The following SLC37A3 variants were observed in gnomAD, a reference collection of about 807,000 sequenced individuals.
The protein encoded by SLC37A3 is solute carrier family 37 member 3.
In SLC37A3, 51 loss-of-function variants were observed where a neutral mutation model predicts 67.1. The observed-to-expected ratio is 0.76, with a 90% CI of 0.61 to 0.96. SLC37A3 has a LOEUF of 0.96. SLC37A3 is among the 40% of genes least tolerant of loss of function. SLC37A3 has a pLI of 0.00. For synonymous variants in SLC37A3, 214 were observed against 231.4 expected, an observed-to-expected ratio of 0.92 and a Z score of 0.68; for missense variants, 508 against 603.0, an observed-to-expected ratio of 0.84 and a Z score of 1.65.
intron 2 of SLC37A3, 60 bp downstream of exon 2, chr7:140,382,378 A>G (rs2129820227): frequency 1.4e-6 from 2 of 1,418,546 alleles, no homozygotes; most frequent in South Asian, 1.2e-5. Context: ...TTGCCATGCA[A>G]TATCTCCCTC....
At chr7:140,357,169 A>G (rs1797063976) in intron 6 of SLC37A3, among the ~76,000 whole-genome samples, 1 of 152,030 alleles carries the variant, frequency 6.6e-6, no homozygotes, top group Non-Finnish European at 1.5e-5. Flanking sequence ...AGCCGAGATC[A>G]CGCCATTGCA....
intron 1 of SLC37A3, among the ~76,000 whole-genome samples, chr7:140,387,615 AATAAATATATATATTATATAAAT>A (rs1456664455): frequency 1.3e-4 from 17 of 128,156 alleles, no homozygotes; most frequent in Admixed American, 2.2e-4. Context: ...ACTCCATCTA[AATAAATATATATATTATATAAAT>A]ATAAATATAT....
chr7:140,384,087 G>A (rs1386990893), intron 1 of SLC37A3, among the ~76,000 whole-genome samples: 1 of 152,172 alleles, frequency 6.6e-6, no homozygotes, highest in Non-Finnish European at 1.5e-5. Flanking sequence ...CCAGTTATGA[G>A]TCTGCAGAAC....
chr7:140,374,008 A>C (rs1797924598), intron 3 of SLC37A3, among the ~76,000 whole-genome samples: 1 of 152,208 alleles, frequency 6.6e-6, no homozygotes, highest in African/African-American at 2.4e-5. Context: ...AAGCAATCCC[A>C]AAAACTCCAA....
At chr7:140,351,180 G>T in intron 9 of SLC37A3, 93 bp downstream of exon 9, 1 of 1,250,346 alleles carries the variant, frequency 8.0e-7, no homozygotes, top group Non-Finnish European at 1.1e-6. Context: ...ATCCAACAGA[G>T]GCTCAATACT....
chr7:140,397,576 TCAAA>T (rs1040882997), intron 1 of SLC37A3, among the ~76,000 whole-genome samples: 2 of 152,178 alleles, frequency 1.3e-5, no homozygotes, highest in African/African-American at 4.8e-5. Flanking sequence ...CCAAGAAACA[TCAAA>T]CAAACTGAAA....
intron 8 of SLC37A3, 67 bp downstream of exon 8, chr7:140,351,995 T>C (rs750313859): frequency 1.4e-6 from 2 of 1,451,912 alleles, no homozygotes; most frequent in African/African-American, 2.7e-5. Context: ...TTCGATTTCT[T>C]GGCCTCAGAT....
chr7:140,358,512 A>C, intron 6 of SLC37A3, 128 bp downstream of exon 6: 1 of 1,312,100 alleles, frequency 7.6e-7, no homozygotes, highest in Non-Finnish European at 1.1e-6. Flanking sequence ...TCCCTGAACA[A>C]CTCTGACTTG....
In SLC37A3 at chr7:140,393,968, C is replaced by T. The variant is rs183526338; in HGVS notation, c.-71+4448G>A. Among the ~76,000 whole-genome samples the T allele has an allele frequency of 2.1e-4, 32 of 151,872 alleles. No homozygotes were observed. The East Asian group carries it at 5.9e-3, about 28-fold the overall frequency. ...GACAGACGGCTTGAGCCCACGAGTT[C>T]GGGACCAGCCTGAGCAATATGGTGA... On this transcript the variant is annotated intron_variant, in intron 1 of 14. Transcript: ENST00000326232.
chr7:140,392,490 C>T (rs1798760681), intron 1 of SLC37A3, among the ~76,000 whole-genome samples: 1 of 152,162 alleles, frequency 6.6e-6, no homozygotes, highest in African/African-American at 2.4e-5. Flanking sequence ...TCTCTCCATC[C>T]TCACTGCCAC....
intron 3 of SLC37A3, among the ~76,000 whole-genome samples, chr7:140,375,184 A>C (rs1194398085): frequency 4.8e-5 from 7 of 145,424 alleles, no homozygotes; most frequent in Non-Finnish European, 6.0e-5. Flanking sequence ...CAAAAAAAAA[A>C]CAGGCTGGGT....
intron 1 of SLC37A3, among the ~76,000 whole-genome samples, chr7:140,393,338 G>A (rs1054477414): frequency 1.3e-5 from 2 of 152,132 alleles, no homozygotes; most frequent in Admixed American, 6.6e-5. Context: ...GAACACGTGC[G>A]CCGTCCTCAC....
At chr7:140,362,731 G>T (rs1424664555) in intron 5 of SLC37A3, among the ~76,000 whole-genome samples, 2 of 90,346 alleles carry the variant, frequency 2.2e-5, no homozygotes, top group African/African-American at 8.2e-5. Context: ...GGAGGTGGGG[G>T]GTCAGCCCCC....
chr7:140,337,363 A>G lies in SLC37A3; in HGVS notation c.1327-14T>C, dbSNP rs1796184668. 4.5e-6 allele frequency: 7 copies of G among 1,566,172 alleles called. No homozygotes were observed. Among genetic ancestry groups the G allele is most frequent in the African/African-American group, 4.2e-5 (3 of 72,246 alleles). On this transcript the variant is annotated splice_polypyrimidine_tract_variant and intron_variant, in intron 13 of 14. Transcript: ENST00000326232. Reference sequence around the variant, plus strand: ...AGACACTAAATACTGAAAGGGAGGAAAAAAAAATTACAATATAATTCTTTA... The same window carrying G: ...AGACACTAAATACTGAAAGGGAGGAGAAAAAAATTACAATATAATTCTTTA...
intron 1 of SLC37A3, among the ~76,000 whole-genome samples, chr7:140,388,439 A>G (rs1291145440): frequency 2.0e-5 from 3 of 151,380 alleles, no homozygotes; most frequent in African/African-American, 4.9e-5. Flanking sequence ...TACCAAAAAA[A>G]AGAGAAAGGA....
chr7:140,340,844 T>C (rs1231716863), intron 13 of SLC37A3, among the ~76,000 whole-genome samples: 3 of 151,800 alleles, frequency 2.0e-5, no homozygotes, highest in East Asian at 1.9e-4. Flanking sequence ...AGTGGGAAAA[T>C]TGCTTGAGTC....
intron 5 of SLC37A3, among the ~76,000 whole-genome samples, chr7:140,361,588 T>G (rs1797297457): frequency 7.2e-6 from 1 of 139,818 alleles, no homozygotes; most frequent in Admixed American, 7.3e-5. Context: ...ACGGTCTCCC[T>G]CTGATGCCGA....
chr7:140,351,401 G>T lies in SLC37A3; in HGVS notation c.754C>A (p.Pro252Thr). Residue 252 changes from proline (P) to threonine (T), a missense_variant, in exon 9 of 15, where the codon CCA becomes ACA. Coordinates refer to ENST00000326232, the MANE Select transcript of SLC37A3 (RefSeq NM_207113.3). ...EENFEEDSHRPLINGGENEDE... is the reference protein window; with the variant it reads ...EENFEEDSHRTLINGGENEDE... Reference sequence around the variant, plus strand: ...TCATTTTCACCACCATTAATTAATGGCCTGTGTGAGTCTTCTTCAAAGTTT... The same window carrying T: ...TCATTTTCACCACCATTAATTAATGTCCTGTGTGAGTCTTCTTCAAAGTTT... 1.2e-6 allele frequency: 2 copies of T among 1,614,096 alleles called. No individual in the cohort carries two copies. Among genetic ancestry groups the T allele is most frequent in the Non-Finnish European group, 1.7e-6 (2 of 1,180,012 alleles).
intron 1 of SLC37A3, among the ~76,000 whole-genome samples, chr7:140,395,729 A>C (rs889897704): frequency 9.9e-5 from 15 of 152,084 alleles, no homozygotes; most frequent in African/African-American, 3.4e-4. Context: ...AAATAAATAA[A>C]TAAAAGAACT....
Sources: allele counts gnomAD v4.1 joint callset (sites outside exome capture counted in the v4.1 genomes callset), GRCh38; gene constraint gnomAD v4.1.1; transcripts MANE v1.5; gene names NCBI Gene and HGNC (gene_info 2026-07-23, HGNC 2026-07-21).